Variants in PCDHA1 observed in about 807,000 individuals in gnomAD.
PCDHA1 encodes protocadherin alpha 1.
Under a neutral mutation model 61.3 loss-of-function variants are expected in PCDHA1, and 42 were observed. The ratio of observed to expected loss-of-function variants is 0.69; its 90% confidence interval spans 0.54 to 0.89. PCDHA1 has a LOEUF of 0.89. Ranked by LOEUF, PCDHA1 falls within the 40% of genes least tolerant of loss-of-function variation. The probability of loss-of-function intolerance (pLI) is 0.00; values close to 1 mark genes in which losing one functional copy is unlikely to be tolerated. For missense variants in PCDHA1, 1,256 were observed against 1,235.3 expected, an observed-to-expected ratio of 1.02 and a Z score of -0.25; for synonymous variants, 610 against 553.8, an observed-to-expected ratio of 1.10 and a Z score of -1.43.
chr5:140,961,748 A>G (rs2095633419), intron 1 of PCDHA1, among the ~76,000 whole-genome samples: 1 of 152,184 alleles, frequency 6.6e-6, no homozygotes, highest in Non-Finnish European at 1.5e-5. Flanking sequence ...GTAATATTAC[A>G]GTTTTGAAGG....
In PCDHA1 at chr5:140,855,835, T is replaced by C. The variant is rs1165073969; in HGVS notation, c.2394+67151T>C. On this transcript the variant is annotated intron_variant, in intron 1 of 3. Transcript: ENST00000504120. ...AGTTGTGAACTCATGGAATCGTACT[T>C]ACACCTAAAGCCACCGGATGTCGCT... The C allele has an allele frequency of 6.7e-5, 40 of 599,476 alleles. 4 individuals carry two copies. The highest frequency in any genetic ancestry group is 1.1e-4 in the Non-Finnish European group (39 of 347,470). 37.1% of individuals were successfully genotyped at this position (599,476 alleles called of 1,614,324 possible). A position where few individuals can be genotyped will look rare whatever the true frequency, so the allele number is the denominator to read the frequency against.
At chr5:140,973,720 A>G (rs781883210) in intron 1 of PCDHA1, among the ~76,000 whole-genome samples, 1 of 152,194 alleles carries the variant, frequency 6.6e-6, no homozygotes, top group Non-Finnish European at 1.5e-5. Flanking sequence ...GAGCCATCAC[A>G]TGGGCATCTG....
chr5:140,950,605 A>T (rs1199751655), intron 1 of PCDHA1, among the ~76,000 whole-genome samples: 1 of 151,926 alleles, frequency 6.6e-6, no homozygotes, highest in Non-Finnish European at 1.5e-5. Flanking sequence ...TTTGACTATG[A>T]TGTGCTTATT....
At chr5:140,847,990 T>C (rs1781276116) in intron 1 of PCDHA1, 1 of 156,442 alleles carries the variant, frequency 6.4e-6, no homozygotes, top group South Asian at 1.8e-4. Flanking sequence ...AGATTCTGAA[T>C]TCCAGAACAA....
intron 3 of PCDHA1, among the ~76,000 whole-genome samples, chr5:141,008,567 T>C (rs1171779674): frequency 1.3e-5 from 2 of 152,182 alleles, no homozygotes; most frequent in African/African-American, 4.8e-5. Flanking sequence ...TGCATAATCA[T>C]TTTCCCAAGA....
rs1184449073 is a variant in PCDHA1, at chr5:140,842,588, T to C, written c.2394+53904T>C. ...CCGCGAGAGAGTGTCGGCCTATGAG[T>C]TGGTGGTAACCGCGCGGGACGGGGG... is the stretch of plus-strand genomic sequence containing the variant. On this transcript the variant is annotated intron_variant, in intron 1 of 3. Coordinates refer to ENST00000504120, the MANE Select transcript of PCDHA1 (RefSeq NM_018900.4). The C allele has an allele frequency of 1.2e-5, 19 of 1,595,896 alleles. 2 individuals carry two copies. Among genetic ancestry groups the C allele is most frequent in the Non-Finnish European group, 1.5e-5 (18 of 1,165,700 alleles).
At chr5:140,808,031 T>C (rs1764084602) in intron 1 of PCDHA1, 2 of 1,613,868 alleles carry the variant, frequency 1.2e-6, no homozygotes, top group Admixed American at 1.7e-5. Context: ...TTATTCATTC[T>C]CAAATGATAT....
intron 1 of PCDHA1, among the ~76,000 whole-genome samples, chr5:140,940,999 A>C (rs2092715324): frequency 1.3e-5 from 2 of 152,264 alleles, no homozygotes; most frequent in Admixed American, 1.3e-4. Context: ...TATAGGATTA[A>C]ATTTTCCTTT....
chr5:140,837,972 C>T (rs929090739), intron 1 of PCDHA1, among the ~76,000 whole-genome samples: 2 of 151,768 alleles, frequency 1.3e-5, no homozygotes, highest in African/African-American at 2.4e-5. Context: ...AACAACCACA[C>T]CCAGCCTGCC....
intron 1 of PCDHA1, chr5:140,871,680 A>G: frequency 9.0e-7 from 1 of 1,108,842 alleles, no homozygotes; most frequent in Admixed American, 3.1e-5. Flanking sequence ...AATCATATGA[A>G]TAATCTGGCT....
intron 1 of PCDHA1, chr5:140,882,543 G>A: frequency 6.2e-7 from 1 of 1,614,236 alleles, no homozygotes; most frequent in Non-Finnish European, 8.5e-7. Context: ...CGGATCGACC[G>A]CGAGGAGCTG....
intron 1 of PCDHA1, chr5:140,825,422 A>C (rs897290918): frequency 6.8e-6 from 1 of 147,148 alleles, no homozygotes; most frequent in African/African-American, 2.5e-5. Flanking sequence ...TATAATATAT[A>C]TAATAAATAT....
At chr5:140,842,977 G>T (rs2150349031) in intron 1 of PCDHA1, 2 of 1,595,034 alleles carry the variant, frequency 1.3e-6, no homozygotes, top group Middle Eastern at 1.7e-4. Context: ...TGACGCTGCA[G>T]GTGTTCGTGC....
At chr5:140,807,079 T>C in intron 1 of PCDHA1, 2 of 1,251,088 alleles carry the variant, frequency 1.6e-6, no homozygotes, top group Non-Finnish European at 1.1e-6. Flanking sequence ...TATACACTCT[T>C]TGGAGTCTGA....
Position 140,841,591 on chromosome 5 carries a change from C to A in PCDHA1, c.2394+52907C>A, listed in dbSNP as rs2150318680. On this transcript the variant is annotated intron_variant, in intron 1 of 3. Coordinates refer to ENST00000504120, the MANE Select transcript of PCDHA1 (RefSeq NM_018900.4). ...GCATTTTGTTTGTGAATTCTCGGAT[C>A]GACCGCGAGGAGCTGTGCGGGCGGA... The A allele has an allele frequency of 3.1e-6, 5 of 1,614,046 alleles. No individual in the cohort carries two copies. In the South Asian group the frequency reaches 5.5e-5, roughly 18 times the overall value.
intron 1 of PCDHA1, chr5:140,843,461 A>C (rs1476836171): frequency 1.3e-6 from 2 of 1,595,756 alleles, no homozygotes; most frequent in African/African-American, 2.7e-5. Flanking sequence ...GCTGGTGCTC[A>C]CGCTGCTGCT....
At chr5:140,929,317 A>G in intron 1 of PCDHA1, 1 of 1,549,080 alleles carries the variant, frequency 6.5e-7, no homozygotes, top group South Asian at 1.2e-5. Flanking sequence ...CGCTAATGTC[A>G]ATGCCATGGT....
intron 1 of PCDHA1, among the ~76,000 whole-genome samples, chr5:140,873,191 C>G (rs1554166611): frequency 6.6e-6 from 1 of 151,960 alleles, no homozygotes; most frequent in Non-Finnish European, 1.5e-5. Flanking sequence ...TATTCATTGG[C>G]TAAAAACATT....
chr5:140,786,957 C>G lies in PCDHA1; in HGVS notation c.667C>G (p.Gln223Glu). 1 of 1,614,124 alleles carries G rather than the reference C, an allele frequency of 6.2e-7. No individual in the cohort carries two copies. Among genetic ancestry groups the G allele is most frequent in the Non-Finnish European group, 8.5e-7 (1 of 1,180,010 alleles). ...TATDGGKPEL[Q>E]GTVELLITVL... ...CACTGATGGGGGCAAACCGGAGCTG[C>G]AAGGTACAGTTGAGCTGCTGATCAC... Residue 223 changes from glutamine to glutamate, a missense_variant, in exon 1 of 4, where the codon CAA becomes GAA. Transcript: ENST00000504120.
Sources: allele counts gnomAD v4.1 joint callset (sites outside exome capture counted in the v4.1 genomes callset), GRCh38; gene constraint gnomAD v4.1.1; transcripts MANE v1.5; gene names NCBI Gene and HGNC (gene_info 2026-07-23, HGNC 2026-07-21).